EZH1: variants seen among roughly 807,000 people sequenced by gnomAD.
EZH1 encodes the protein enhancer of zeste 1 polycomb repressive complex 2 subunit.
In EZH1, 33 loss-of-function variants were observed where a neutral mutation model predicts 100.5. The ratio of observed to expected loss-of-function variants is 0.33; its 90% CI spans 0.25 to 0.44. The LOEUF is 0.44. Among genes scored for constraint, EZH1 ranks in the 20% least tolerant of loss-of-function variants. The pLI is 1.00. For missense variants in EZH1, 475 were observed against 928.4 expected, an observed-to-expected ratio of 0.51 and a Z score of 6.35; for synonymous variants, 272 against 313.8, an observed-to-expected ratio of 0.87 and a Z score of 1.41.
chr17:42,725,274 CTT>C (rs891372461), intron 4 of EZH1, among the ~76,000 whole-genome samples: 14 of 145,216 alleles, frequency 9.6e-5, no homozygotes, highest in Non-Finnish European at 1.1e-4. Flanking sequence ...AGTAGAAACT[CTT>C]TTTTTTTTTT....
intron 1 of EZH1, among the ~76,000 whole-genome samples, chr17:42,735,094 A>T (rs1171384381): frequency 6.6e-6 from 1 of 152,182 alleles, no homozygotes; most frequent in African/African-American, 2.4e-5. Context: ...AAGAAAAAAG[A>T]AGTATTAAGT....
At position 42,708,919 on chromosome 17, in the gene EZH1, GAA is replaced by G; in HGVS notation, c.1494-5_1494-4del. 2.5e-6 allele frequency: 4 copies of G among 1,614,154 alleles called. No homozygotes were observed. Among genetic ancestry groups the G allele is most frequent in the Non-Finnish European group, 3.4e-6 (4 of 1,180,032 alleles). ...TCCTGCAGTGTGCAGCCCACAATCT[GAA>G]AAAGACAGGAAGGACAGGTCTCAGT... On this transcript the variant is annotated splice_region_variant and splice_polypyrimidine_tract_variant and intron_variant, in intron 13 of 20. Transcript: ENST00000428826.
chr17:42,736,954 T>C (rs1460701747), intron 1 of EZH1, among the ~76,000 whole-genome samples: 3 of 152,052 alleles, frequency 2.0e-5, no homozygotes, highest in Non-Finnish European at 2.9e-5. Context: ...TGCTGGCCAG[T>C]TGCAGAACAG....
Position 42,720,459 on chromosome 17 carries a change from G to A in EZH1, c.488-10C>T. 1 of 1,600,962 alleles carries A rather than the reference G, an allele frequency of 6.2e-7. No individual in the cohort carries two copies. The highest frequency in any genetic ancestry group is 8.5e-7 in the Non-Finnish European group (1 of 1,174,626). ...GATCCAGGGATCATCTCTGAAACAT[G>A]AGGATTCGAAAGATGAGCAGTGGTC... On this transcript the variant is annotated splice_polypyrimidine_tract_variant and intron_variant, in intron 6 of 20. Coordinates refer to ENST00000428826, the MANE Select transcript of EZH1 (RefSeq NM_001991.5).
At chr17:42,708,358 G>C (rs1310650191) in intron 14 of EZH1, among the ~76,000 whole-genome samples, 1 of 152,012 alleles carries the variant, frequency 6.6e-6, no homozygotes, top group East Asian at 1.9e-4. Flanking sequence ...TGGCACACTA[G>C]AAAAGTCACA....
At chr17:42,727,984 T>C (rs111624031) in intron 3 of EZH1, among the ~76,000 whole-genome samples, 5,836 of 151,384 alleles carry the variant, frequency 0.039, 337 homozygotes, top group African/African-American at 0.12. Flanking sequence ...ACCTGGCTAA[T>C]TTTTGTATTT....
chr17:42,717,704 A>G (rs753356746), intron 10 of EZH1, among the ~76,000 whole-genome samples: 2 of 152,146 alleles, frequency 1.3e-5, no homozygotes, highest in African/African-American at 4.8e-5. Flanking sequence ...AATTCTAACA[A>G]TACAGTTTTA....
At chr17:42,726,664 A>G (rs1371167687) in intron 4 of EZH1, among the ~76,000 whole-genome samples, 1 of 151,692 alleles carries the variant, frequency 6.6e-6, no homozygotes, top group Non-Finnish European at 1.5e-5. Context: ...GAAGTGTGCC[A>G]CCATGCCTGG....
At chr17:42,709,179 A>C (rs1423526658) in intron 13 of EZH1, 2 of 533,946 alleles carry the variant, frequency 3.7e-6, no homozygotes, top group African/African-American at 3.8e-5. Flanking sequence ...GAAATAAAAG[A>C]AAGCCCAAGC....
chr17:42,726,035 C>T (rs916604529), intron 4 of EZH1, among the ~76,000 whole-genome samples: 2 of 151,198 alleles, frequency 1.3e-5, no homozygotes, highest in African/African-American at 4.9e-5. Context: ...CACGCCACCA[C>T]GCTCGGCCAA....
intron 16 of EZH1, 135 bp from the exon 17 acceptor site, chr17:42,705,318 G>A (rs745630501): frequency 1.2e-5 from 7 of 560,048 alleles, no homozygotes; most frequent in Non-Finnish European, 2.3e-5. Context: ...GCAGAAAAAG[G>A]TCTAACCCAT....
chr17:42,713,037 CAA>C (rs10664421), intron 11 of EZH1, among the ~76,000 whole-genome samples, 170 bp downstream of exon 11: 14 of 83,986 alleles, frequency 1.7e-4, no homozygotes, highest in East Asian at 6.9e-4. Context: ...GAGACTGTTT[CAA>C]AAAAAAAAAA....
At chr17:42,723,978 G>A (rs2143811568) in intron 5 of EZH1, among the ~76,000 whole-genome samples, 1 of 152,276 alleles carries the variant, frequency 6.6e-6, no homozygotes, top group East Asian at 1.9e-4. Flanking sequence ...ACCTGCTCAA[G>A]CCTCAAGAGT....
rs1434376331 is a variant in EZH1, at chr17:42,706,614, G to A, written c.1661-429C>T. Reference sequence around the variant, plus strand: ...TAGGGGGATGAATGGCTTGAGCCAGGGAGGTTGAGGCTGCAGTGAGCCATA... The same window carrying A: ...TAGGGGGATGAATGGCTTGAGCCAGAGAGGTTGAGGCTGCAGTGAGCCATA... On this transcript the variant is annotated intron_variant, in intron 15 of 20. Transcript: ENST00000428826. This position sits in a 1 kb window ranked among gnomAD's most constrained non-coding sequence, Gnocchi z 4.4. Among the ~76,000 whole-genome samples, 1 of 152,072 alleles carries A rather than the reference G, an allele frequency of 6.6e-6. No homozygotes were observed. Among genetic ancestry groups the A allele is most frequent in the East Asian group, 1.9e-4 (1 of 5,198 alleles).
chr17:42,719,300 G>A (rs982893774), intron 7 of EZH1, 93 bp from the exon 8 acceptor site: 18 of 947,636 alleles, frequency 1.9e-5, no homozygotes, highest in Non-Finnish European at 2.9e-5. Context: ...ATAGCATTTT[G>A]ATTACAGCTG....
chr17:42,708,423 G>C (rs1238288085), intron 14 of EZH1, among the ~76,000 whole-genome samples: 1 of 152,204 alleles, frequency 6.6e-6, no homozygotes, highest in Non-Finnish European at 1.5e-5. Context: ...GCGAGGCCGA[G>C]GCAGGTGGAT....
intron 10 of EZH1, among the ~76,000 whole-genome samples, chr17:42,715,094 G>T (rs1230170236): frequency 7.5e-6 from 1 of 132,558 alleles, no homozygotes; most frequent in African/African-American, 2.8e-5. Context: ...ATATATTATA[G>T]ATTATATGTA....
intron 10 of EZH1, among the ~76,000 whole-genome samples, chr17:42,717,562 C>T (rs891883644): frequency 4.6e-5 from 7 of 152,120 alleles, no homozygotes; most frequent in East Asian, 1.9e-4. Context: ...CATCAGGGAA[C>T]GGTCCATCTG....
chr17:42,741,593 C>A (rs1028295383), intron 1 of EZH1, among the ~76,000 whole-genome samples: 1 of 152,182 alleles, frequency 6.6e-6, no homozygotes, highest in Non-Finnish European at 1.5e-5. Flanking sequence ...TTCATATAAA[C>A]AGCAAATCAA....
Sources: allele counts gnomAD v4.1 joint callset (sites outside exome capture counted in the v4.1 genomes callset), GRCh38; gene constraint gnomAD v4.1.1; non-coding constraint Gnocchi (gnomAD v3.1); transcripts MANE v1.5; gene names NCBI Gene and HGNC (gene_info 2026-07-23, HGNC 2026-07-21).